GDI2: variants seen among roughly 807,000 people sequenced by gnomAD.
The protein encoded by GDI2 is rab GDP dissociation inhibitor beta.
GDI2 carries 22 observed loss-of-function variants against 54.2 expected under a neutral mutation model. The ratio of observed to expected loss-of-function variants is 0.41; its 90% confidence interval spans 0.29 to 0.58. The LOEUF (loss-of-function observed/expected upper bound fraction) is 0.58, where lower values mean the gene tolerates loss of function less well. Among genes scored for constraint, GDI2 ranks in the 20% least tolerant of loss-of-function variants. GDI2 has a pLI of 0.35. For missense variants in GDI2, 422 were observed against 546.0 expected (o/e 0.77, Z 2.26); for synonymous variants, 177 against 182.1 (o/e 0.97, Z 0.23).
At position 5,765,863 on chromosome 10, in the gene GDI2, G is replaced by A. The variant is rs1840311922; in HGVS notation, c.*143C>T. ...TGAAAACAAGTTAATAATTAGAAAG[G>A]TGAAGGGGAGTATTTACTGGCACAG... On this transcript the variant is annotated 3_prime_UTR_variant, in exon 11 of 11. Coordinates refer to ENST00000380191, the MANE Select transcript of GDI2 (RefSeq NM_001494.4). 5 of 615,946 alleles carry A rather than the reference G, an allele frequency of 8.1e-6. No homozygotes were observed. The East Asian group carries it at 1.5e-4, about 18-fold the overall frequency. The allele number at this position is 615,946 out of a possible 1,614,324, so 38.2% of individuals were successfully genotyped here. A position where few individuals can be genotyped will look rare whatever the true frequency, so the allele number is the denominator to read the frequency against.
Position 5,768,449 on chromosome 10 carries a change from C to T in GDI2, c.820-65G>A. 9.6e-7 allele frequency: 1 copy of T among 1,043,822 alleles called. No homozygotes were observed. Among genetic ancestry groups the T allele is most frequent in the Non-Finnish European group, 1.5e-6 (1 of 683,450 alleles). The allele number at this position is 1,043,822 out of a possible 1,614,324, so 64.7% of individuals were successfully genotyped here. ...GATATAGGGAAACACATCCCATGTT[C>T]ATAGTTTGGAAGACTTAGTATTGTT... On this transcript the variant is annotated intron_variant, in intron 7 of 10. Coordinates refer to ENST00000380191, the MANE Select transcript of GDI2 (RefSeq NM_001494.4). The surrounding 1 kb of genome is among the most constrained non-coding windows in gnomAD (Gnocchi z 4.4).
intron 4 of GDI2, among the ~76,000 whole-genome samples, chr10:5,793,653 G>A (rs1478020410): frequency 6.6e-6 from 1 of 152,134 alleles, no homozygotes; most frequent in Non-Finnish European, 1.5e-5. Flanking sequence ...GAGAACTTAT[G>A]AGCACTTTCC....
intron 7 of GDI2, among the ~76,000 whole-genome samples, chr10:5,772,794 G>C (rs1588967521): frequency 6.6e-6 from 1 of 152,082 alleles, no homozygotes; most frequent in African/African-American, 2.4e-5. Context: ...CATTTTAGTA[G>C]ATAAAACACA....
chr10:5,791,115 G>C (rs1297256267), intron 4 of GDI2, among the ~76,000 whole-genome samples: 2 of 152,110 alleles, frequency 1.3e-5, no homozygotes, highest in Non-Finnish European at 2.9e-5. Flanking sequence ...AGCATAGCAA[G>C]ACCTCACTTC....
intron 2 of GDI2, among the ~76,000 whole-genome samples, chr10:5,799,470 G>A (rs923764417): frequency 6.6e-6 from 1 of 152,134 alleles, no homozygotes; most frequent in Non-Finnish European, 1.5e-5. Flanking sequence ...TGGCCATCAT[G>A]GTGGAACCCC....
intron 4 of GDI2, among the ~76,000 whole-genome samples, chr10:5,791,608 G>A (rs1249785377): frequency 2.6e-5 from 4 of 152,094 alleles, no homozygotes; most frequent in Non-Finnish European, 5.9e-5. Flanking sequence ...TTAGCCAGGC[G>A]TGGTGGTGCA....
At chr10:5,796,980 T>C (rs375200735) in intron 2 of GDI2, 118 bp from the exon 3 acceptor site, 6 of 536,216 alleles carry the variant, frequency 1.1e-5, no homozygotes, top group African/African-American at 9.4e-5. Context: ...GCTAGTAAAG[T>C]ATAAGGGCAT....
intron 7 of GDI2, among the ~76,000 whole-genome samples, chr10:5,770,505 T>C (rs1049247014): frequency 1.3e-5 from 2 of 151,900 alleles, no homozygotes; most frequent in African/African-American, 4.8e-5. Flanking sequence ...GAGATTGCAG[T>C]GAGCCAAGAT....
chr10:5,796,385 A>G (rs1388544508), intron 3 of GDI2, among the ~76,000 whole-genome samples: 2 of 152,104 alleles, frequency 1.3e-5, no homozygotes, highest in Non-Finnish European at 2.9e-5. Context: ...TAGATCCTCT[A>G]AAATTAAAAA....
At chr10:5,779,898 G>A (rs1484326834) in intron 6 of GDI2, among the ~76,000 whole-genome samples, 1 of 151,886 alleles carries the variant, frequency 6.6e-6, no homozygotes, top group Admixed American at 6.6e-5. Flanking sequence ...TCACCAGGTT[G>A]CCTAGGCTGG....
At chr10:5,792,149 A>T (rs1200615242) in intron 4 of GDI2, among the ~76,000 whole-genome samples, 1 of 152,244 alleles carries the variant, frequency 6.6e-6, no homozygotes, top group East Asian at 1.9e-4. Context: ...ATAGCTTTAT[A>T]TACCGTAAGA....
chr10:5,774,931 G>A lies in GDI2; in HGVS notation c.720-990C>T, dbSNP rs539604221. Among the ~76,000 whole-genome samples, 3 of 152,314 alleles carry A rather than the reference G, an allele frequency of 2.0e-5. No homozygotes were observed. The highest frequency in any genetic ancestry group is 4.1e-4 in the South Asian group (2 of 4,826). ...GGGCAAGGGCAAGGCCAAGGGAAGG[G>A]TTGACCAGTAATAGCTATATTAGTC... On this transcript the variant is annotated intron_variant, in intron 6 of 10. Coordinates refer to ENST00000380191, the MANE Select transcript of GDI2 (RefSeq NM_001494.4). This position sits in a 1 kb window ranked among gnomAD's most constrained non-coding sequence, Gnocchi z 4.8.
At chr10:5,805,820 A>AG (rs1348289883) in intron 1 of GDI2, among the ~76,000 whole-genome samples, 1 of 152,186 alleles carries the variant, frequency 6.6e-6, no homozygotes, top group Non-Finnish European at 1.5e-5. Flanking sequence ...GTAATATCCG[A>AG]GTTGGGGCCT....
intron 6 of GDI2, among the ~76,000 whole-genome samples, chr10:5,777,116 A>G (rs1206294769): frequency 6.6e-6 from 1 of 152,242 alleles, no homozygotes; most frequent in Non-Finnish European, 1.5e-5. Context: ...GATACAAACC[A>G]AATGGCTACA....
chr10:5,799,450 C>T (rs963890368), intron 2 of GDI2, among the ~76,000 whole-genome samples: 8 of 151,858 alleles, frequency 5.3e-5, no homozygotes, highest in Non-Finnish European at 8.8e-5. Context: ...TCAGGGGTTC[C>T]AGACCAGCCT....
At chr10:5,788,605 GA>G (rs914655157) in intron 4 of GDI2, among the ~76,000 whole-genome samples, 2 of 151,742 alleles carry the variant, frequency 1.3e-5, no homozygotes, top group Non-Finnish European at 2.9e-5. Flanking sequence ...AAAAAATTGT[GA>G]AAAAAAATCT....
At chr10:5,785,369 T>C in intron 5 of GDI2, 96 bp from the exon 6 acceptor site, 1 of 579,142 alleles carries the variant, frequency 1.7e-6, no homozygotes, top group Non-Finnish European at 2.8e-6. Context: ...ATCCGCTATC[T>C]TCTTTTTTGT....
rs560054071 is a variant in GDI2 at position 5,779,560 on chromosome 10, TA to T, written c.719+5581del. ...ATGAGAACTCTAGATCTAGACAGTA[TA>T]AAAAAATTAAAATTCACTGAATGAG... is the stretch of plus-strand genomic sequence containing the variant. On this transcript the variant is annotated intron_variant, in intron 6 of 10. Coordinates refer to ENST00000380191, the MANE Select transcript of GDI2 (RefSeq NM_001494.4). Among the ~76,000 whole-genome samples, 662 of 149,990 alleles carry T rather than the reference TA, an allele frequency of 4.4e-3. 7 individuals carry two copies. The highest frequency in any genetic ancestry group is 0.016 in the African/African-American group (636 of 40,866).
rs569192439 is a variant in GDI2 at position 5,774,926 on chromosome 10, G to A, written c.720-985C>T. On this transcript the variant is annotated intron_variant, in intron 6 of 10. Coordinates refer to ENST00000380191, the MANE Select transcript of GDI2 (RefSeq NM_001494.4). This position sits in a 1 kb window ranked among gnomAD's most constrained non-coding sequence, Gnocchi z 4.8. ...GGCAAGGGCAAGGGCAAGGCCAAGGGAAGGGTTGACCAGTAATAGCTATAT... is the reference window on the plus strand; with the variant it reads ...GGCAAGGGCAAGGGCAAGGCCAAGGAAAGGGTTGACCAGTAATAGCTATAT... Among the ~76,000 whole-genome samples, 2 of 152,116 alleles carry A rather than the reference G, an allele frequency of 1.3e-5. No individual in the cohort carries two copies. Among genetic ancestry groups the A allele is most frequent in the East Asian group, 3.9e-4 (2 of 5,178 alleles).
Sources: allele counts gnomAD v4.1 joint callset (sites outside exome capture counted in the v4.1 genomes callset), GRCh38; gene constraint gnomAD v4.1.1; non-coding constraint Gnocchi (gnomAD v3.1); transcripts MANE v1.5; gene names NCBI Gene and HGNC (gene_info 2026-07-23, HGNC 2026-07-21).